The following PSG9 variants were observed in gnomAD, a reference collection of about 807,000 sequenced individuals.
PSG9 encodes the protein pregnancy specific beta-1-glycoprotein 9.
Under a neutral mutation model 41.9 loss-of-function variants are expected in PSG9, and 49 were observed. The observed-to-expected ratio is 1.17, with a 90% CI of 0.93 to 1.48. The LOEUF (loss-of-function observed/expected upper bound fraction) is 1.48, where lower values mean the gene tolerates loss of function less well. PSG9 is among the 40% of genes most tolerant of loss of function. PSG9 has a pLI of 0.00. For missense variants in PSG9, 641 were observed against 520.3 expected, an observed-to-expected ratio of 1.23 and a Z score of -2.26; for synonymous variants, 263 against 196.8, an observed-to-expected ratio of 1.34 and a Z score of -2.82.
chr19:43,257,607 A>C, intron 5 of PSG9: 1 of 992,604 alleles, frequency 1.0e-6, no homozygotes, highest in Non-Finnish European at 1.2e-6. Flanking sequence ...CTTGGCTTCA[A>C]CTGGCAGCTC....
intron 1 of PSG9, among the ~76,000 whole-genome samples, 182 bp from the exon 2 acceptor site, chr19:43,268,331 C>T (rs1969082818): frequency 1.3e-5 from 2 of 152,128 alleles, no homozygotes; most frequent in South Asian, 2.1e-4. Context: ...GTGTGTGTGT[C>T]CTACTGTCCT....
At position 43,253,370 on chromosome 19, in the gene PSG9, C is replaced by G; in HGVS notation, c.*239G>C. 2.8e-6 allele frequency: 1 copy of G among 363,328 alleles called. No homozygotes were observed. The highest frequency in any genetic ancestry group is 2.3e-5 in the African/African-American group (1 of 43,344). 22.5% of individuals were successfully genotyped at this position (363,328 alleles called of 1,614,324 possible). A position where few individuals can be genotyped will look rare whatever the true frequency, so the allele number is the denominator to read the frequency against. ...AATTCTGGGGCATTCAGATAGACAG[C>G]AAAAGCAAATATTTCAATTTTTGTT... On this transcript the variant is annotated 3_prime_UTR_variant, in exon 6 of 6. Transcript: ENST00000270077.
At position 43,267,319 on chromosome 19, in the gene PSG9, C is replaced by T. The variant is rs186149653; in HGVS notation, c.430+465G>A. Among the ~76,000 whole-genome samples, 15 of 152,224 alleles carry T rather than the reference C, an allele frequency of 9.9e-5. No homozygotes were observed. The East Asian group carries it at 2.7e-3, about 28-fold the overall frequency. On this transcript the variant is annotated intron_variant, in intron 2 of 5. Coordinates refer to ENST00000270077, the MANE Select transcript of PSG9 (RefSeq NM_002784.5). ...AATTCTTGGTCCCAGTAAGGCCTGCCCAAGAAGCCACAACCCAGCACTGGC... is the reference window on the plus strand; with the variant it reads ...AATTCTTGGTCCCAGTAAGGCCTGCTCAAGAAGCCACAACCCAGCACTGGC...
intron 2 of PSG9, among the ~76,000 whole-genome samples, chr19:43,266,711 T>C (rs556035857): frequency 2.0e-5 from 3 of 152,214 alleles, no homozygotes; most frequent in African/African-American, 7.2e-5. Context: ...AAGAGAGGAT[T>C]TGAGCCAATA....
In PSG9 at chr19:43,266,097, G is replaced by A. The variant is rs534814408; in HGVS notation, c.430+1687C>T. Among the ~76,000 whole-genome samples the A allele has an allele frequency of 4.6e-5, 7 of 151,768 alleles. No individual in the cohort carries two copies. The South Asian group carries it at 8.3e-4, about 18-fold the overall frequency. Reference sequence around the variant, plus strand: ...GTGGGAGGAAGATGAGGGACACAGAGAAGCAGAGAGAGGCAGAGACACCAT... The same window carrying A: ...GTGGGAGGAAGATGAGGGACACAGAAAAGCAGAGAGAGGCAGAGACACCAT... On this transcript the variant is annotated intron_variant, in intron 2 of 5. Coordinates refer to ENST00000270077, the MANE Select transcript of PSG9 (RefSeq NM_002784.5).
At chr19:43,259,570 G>A (rs1968612874) in intron 3 of PSG9, 1 of 195,658 alleles carries the variant, frequency 5.1e-6, no homozygotes, top group African/African-American at 2.5e-5. Context: ...GGATGTTCTA[G>A]AGATGAGTAA....
chr19:43,260,886 T>G (rs1314737545), intron 3 of PSG9: 1 of 152,124 alleles, frequency 6.6e-6, no homozygotes, highest in Non-Finnish European at 1.5e-5. Context: ...TTCAGCAATG[T>G]TTTGTAGTTT....
intron 3 of PSG9, among the ~76,000 whole-genome samples, chr19:43,261,572 A>G (rs921491134): frequency 1.3e-5 from 2 of 152,190 alleles, no homozygotes; most frequent in Non-Finnish European, 2.9e-5. Flanking sequence ...CTGAAGTCCC[A>G]GCCAAATCCC....
At chr19:43,254,130 A>G (rs1388522014) in intron 5 of PSG9, among the ~76,000 whole-genome samples, 2 of 145,550 alleles carry the variant, frequency 1.4e-5, no homozygotes, top group African/African-American at 2.6e-5. Context: ...AAAGGTAGGT[A>G]CTGTTGAGGT....
chr19:43,268,647 G>A (rs1969099872), intron 1 of PSG9, among the ~76,000 whole-genome samples: 1 of 152,112 alleles, frequency 6.6e-6, no homozygotes, highest in African/African-American at 2.4e-5. Context: ...GTGAGGACAG[G>A]GACTTTTGTG....
intron 5 of PSG9, among the ~76,000 whole-genome samples, chr19:43,255,027 G>A (rs558201450): frequency 7.0e-6 from 1 of 142,600 alleles, no homozygotes. Context: ...GGAGGTTAAG[G>A]CTGCAGTGAG....
At chr19:43,260,296 T>A (rs1282002885) in intron 3 of PSG9, 1 of 146,960 alleles carries the variant, frequency 6.8e-6, no homozygotes, top group African/African-American at 2.6e-5. Flanking sequence ...GATTGAGTAT[T>A]TCTTATGCAT....
chr19:43,269,362 C>T lies in PSG9; in HGVS notation c.64+6G>A, dbSNP rs557060988. Reference sequence around the variant, plus strand: ...CCTGTCCTCTCCCAGGAAGTTCTCTCCTCACCTGTGAGCAGGAGCCCCTTC... The same window carrying T: ...CCTGTCCTCTCCCAGGAAGTTCTCTTCTCACCTGTGAGCAGGAGCCCCTTC... On this transcript the variant is annotated splice_donor_region_variant and intron_variant, in intron 1 of 5. Coordinates refer to ENST00000270077, the MANE Select transcript of PSG9 (RefSeq NM_002784.5). 147 of 1,613,504 alleles carry T rather than the reference C, an allele frequency of 9.1e-5. 2 individuals are homozygous for T. The Admixed American group carries it at 2.3e-3, about 25-fold the overall frequency.
chr19:43,262,279 A>C, intron 2 of PSG9, 141 bp from the exon 3 acceptor site: 1 of 1,470,840 alleles, frequency 6.8e-7, no homozygotes. Context: ...GTGTTACAAG[A>C]CAGATGCATG....
At chr19:43,269,074 G>T (rs143807527) in intron 1 of PSG9, among the ~76,000 whole-genome samples, 1 of 151,738 alleles carries the variant, frequency 6.6e-6, no homozygotes, top group Admixed American at 6.6e-5. Context: ...GCGGTATCTC[G>T]GCTAGCTGCA....
At chr19:43,257,926 C>T (rs1214743069) in intron 5 of PSG9, 2 of 1,413,558 alleles carry the variant, frequency 1.4e-6, no homozygotes, top group Non-Finnish European at 1.8e-6. Flanking sequence ...CCTTCTTGTC[C>T]CTCTCTGAAG....
Position 43,255,105 on chromosome 19 carries a change from CAA to C in PSG9, c.1244-1461_1244-1460del, listed in dbSNP as rs35986995. 2.7e-3 allele frequency among the ~76,000 whole-genome samples: 226 copies of C among 82,220 alleles called. 15 individuals are homozygous for C. The highest frequency in any genetic ancestry group is 0.01 in the African/African-American group (202 of 19,620). 53.9% of individuals were successfully genotyped at this position (82,220 alleles called of 152,430 possible). ...AGTGAGAGCCTGTCTCTCTCTCTTC[CAA>C]AAAAAAAAAAAAAGAAAGAAAGAAA... On this transcript the variant is annotated intron_variant, in intron 5 of 5. Transcript: ENST00000270077.
In PSG9 at chr19:43,261,990, C is replaced by A; in HGVS notation, c.579G>T (p.Leu193Phe). The A allele has an allele frequency of 6.2e-7, 1 of 1,614,044 alleles. No individual in the cohort carries two copies. Among genetic ancestry groups the A allele is most frequent in the African/African-American group, 1.3e-5 (1 of 75,024 alleles). The change falls in exon 3 of 6, where the codon TTG becomes TTT. Residue 193 changes from leucine to phenylalanine, a missense_variant. By Grantham distance (22) the Leu-to-Phe change is conservative. Coordinates refer to ENST00000270077, the MANE Select transcript of PSG9 (RefSeq NM_002784.5). The stretch of plus-strand genomic sequence containing the variant: ...GGGTCCTGTTGGTTTTGGACAGCTG[C>A]AACCTGTGAGTCACAGGGAGGCTCT... ...NGQSLPVTHRLQLSKTNRTLY... is the reference protein window; with the variant it reads ...NGQSLPVTHRFQLSKTNRTLY...
intron 5 of PSG9, 66 bp downstream of exon 5, chr19:43,258,134 ACT>A: frequency 1.3e-6 from 2 of 1,590,776 alleles, no homozygotes; most frequent in Non-Finnish European, 1.7e-6. Flanking sequence ...TGTTTTCCTG[ACT>A]CTTCTCTGAA....
Sources: gnomAD v4.1 joint callset for allele counts (sites outside exome capture counted in the v4.1 genomes callset) on GRCh38, gnomAD v4.1.1 for gene constraint, MANE v1.5 for transcripts, NCBI Gene and HGNC (gene_info 2026-07-23, HGNC 2026-07-21) for gene names.